Variants in GPAM observed in about 807,000 individuals in gnomAD.
GPAM encodes the protein glycerol-3-phosphate acyltransferase, mitochondrial.
In GPAM, 56 loss-of-function variants were observed where a neutral mutation model predicts 105.0. The observed-to-expected ratio is 0.53, with a 90% CI of 0.43 to 0.67. The LOEUF (loss-of-function observed/expected upper bound fraction) is 0.67, where lower values mean the gene tolerates loss of function less well. Ranked by LOEUF, GPAM falls within the 30% of genes least tolerant of loss-of-function variation. GPAM has a pLI of 0.00. For missense variants in GPAM, 855 were observed against 989.8 expected (o/e 0.86, Z 1.83); for synonymous variants, 368 against 354.4 (o/e 1.04, Z -0.43).
At chr10:112,156,133 G>T in intron 19 of GPAM, 80 bp from the exon 20 acceptor site, 2 of 962,700 alleles carry the variant, frequency 2.1e-6, no homozygotes, top group Non-Finnish European at 3.3e-6. Context: ...ACTTTCTCTG[G>T]AGAGCCAGTA....
upstream of GPAM, chr10:112,215,466 G>A (rs1847958138): frequency 6.6e-6 from 1 of 152,232 alleles, no homozygotes; most frequent in Non-Finnish European, 1.5e-5. Flanking sequence ...GGCTGAGCTT[G>A]GCCAGCCAAT....
upstream of GPAM, among the ~76,000 whole-genome samples, chr10:112,217,744 G>A (rs1003692528): frequency 6.6e-6 from 1 of 152,148 alleles, no homozygotes; most frequent in African/African-American, 2.4e-5. Flanking sequence ...CCCTTTCAAA[G>A]ATGAGGTGCT....
chr10:112,175,857 T>C (rs1847394651), intron 5 of GPAM, 144 bp from the exon 6 acceptor site: 1 of 646,040 alleles, frequency 1.5e-6, no homozygotes, highest in Non-Finnish European at 2.8e-6. Flanking sequence ...AAATTCTCCT[T>C]AGTAGTTCAG....
In GPAM at chr10:112,161,000, G is replaced by A. The variant is rs1419583433; in HGVS notation, c.1495-132C>T. ...CACTGCTAGCACATAGAGAAGTAGG[G>A]CCAGAACACCAATGCAGAGCGAGTC... On this transcript the variant is annotated intron_variant, in intron 15 of 21. Coordinates refer to ENST00000348367, the MANE Select transcript of GPAM (RefSeq NM_001244949.2). 10 of 750,770 alleles carry A rather than the reference G, an allele frequency of 1.3e-5. No homozygotes were observed. In the Admixed American group the frequency reaches 1.8e-4, roughly 14 times the overall value. The allele number at this position is 750,770 out of a possible 1,614,324, so 46.5% of individuals were successfully genotyped here.
At chr10:112,186,152 TTACTG>T (rs1267450292), upstream of GPAM, among the ~76,000 whole-genome samples, 1 of 151,550 alleles carries the variant, frequency 6.6e-6, no homozygotes, top group African/African-American at 2.4e-5. Context: ...AAAAAAGACA[TTACTG>T]TACAGAGGAA....
chr10:112,199,943 C>T (rs1272705514), intron 1 of GPAM, among the ~76,000 whole-genome samples: 1 of 151,828 alleles, frequency 6.6e-6, no homozygotes, highest in Non-Finnish European at 1.5e-5. Flanking sequence ...GGGGACACAG[C>T]CAAACCATAT....
intron 5 of GPAM, among the ~76,000 whole-genome samples, chr10:112,177,250 T>C (rs916574794): frequency 2.6e-5 from 4 of 152,234 alleles, no homozygotes; most frequent in Non-Finnish European, 4.4e-5. Flanking sequence ...AGTAATATCA[T>C]AAGGGCTTCA....
upstream of GPAM, among the ~76,000 whole-genome samples, chr10:112,218,544 T>A (rs913964602): frequency 7.2e-5 from 11 of 152,110 alleles, no homozygotes; most frequent in African/African-American, 2.7e-4. Context: ...AAAAGAGGGT[T>A]CTTGGTGCAA....
rs539304546 is a variant in GPAM at position 112,151,478 on chromosome 10, G to T, written c.*2072C>A. On this transcript the variant is annotated 3_prime_UTR_variant, in exon 22 of 22. Coordinates refer to ENST00000348367, the MANE Select transcript of GPAM (RefSeq NM_001244949.2). ...AGCACCAGTTAATTACAAAAAGCAT[G>T]CATATTTATCCTCACAGTGAGTTAA... The T allele has an allele frequency of 1.0e-6, 1 of 985,720 alleles. No individual in the cohort carries two copies. Among genetic ancestry groups the T allele is most frequent in the African/African-American group, 1.7e-5 (1 of 57,342 alleles). The allele number at this position is 985,720 out of a possible 1,614,324, so 61.1% of individuals were successfully genotyped here.
At chr10:112,224,935 G>A in the GPAM span, among the ~76,000 whole-genome samples, 1 of 152,048 alleles carries the variant, frequency 6.6e-6, no homozygotes, top group African/African-American at 2.4e-5. Context: ...AATAATCCCA[G>A]ACCAGTTAGT....
At chr10:112,224,394 T>C in the GPAM span, among the ~76,000 whole-genome samples, 6 of 152,204 alleles carry the variant, frequency 3.9e-5, no homozygotes, top group African/African-American at 1.4e-4. Context: ...TACAGATAAA[T>C]GTCTGCCTTG....
At chr10:112,157,759 C>T (rs1487092683) in intron 18 of GPAM, among the ~76,000 whole-genome samples, 1 of 152,196 alleles carries the variant, frequency 6.6e-6, no homozygotes, top group Non-Finnish European at 1.5e-5. Flanking sequence ...ATAGGTGTAA[C>T]GTCTCAACTT....
upstream of GPAM, among the ~76,000 whole-genome samples, chr10:112,215,766 C>A (rs1847961058): frequency 6.6e-6 from 1 of 152,044 alleles, no homozygotes; most frequent in Admixed American, 6.6e-5. Flanking sequence ...GGGCTGGGGT[C>A]CCCATGGGGT....
At chr10:112,153,800 T>G (rs936383662) in intron 21 of GPAM, 134 bp from the exon 22 acceptor site, 43 of 862,602 alleles carry the variant, frequency 5.0e-5, no homozygotes, top group Non-Finnish European at 7.2e-5. Context: ...TGGCATTAAG[T>G]AAATGTATGC....
intron 10 of GPAM, 37 bp downstream of exon 10, chr10:112,168,816 C>A (rs550567670): frequency 9.3e-6 from 12 of 1,283,992 alleles, no homozygotes; most frequent in African/African-American, 1.5e-5. Context: ...TGATAACCAA[C>A]ACAATGTCCC....
At chr10:112,223,452 T>C in the GPAM span, among the ~76,000 whole-genome samples, 1 of 152,244 alleles carries the variant, frequency 6.6e-6, no homozygotes, top group African/African-American at 2.4e-5. Context: ...AAATCAACTT[T>C]TCCACATCAA....
intron 1 of GPAM, chr10:112,215,152 C>T (rs193147823): frequency 6.6e-6 from 1 of 152,302 alleles, no homozygotes; most frequent in East Asian, 1.9e-4. Context: ...TCCCTGCACC[C>T]CAGGTTTTTA....
At position 112,173,691 on chromosome 10, in the gene GPAM, T is replaced by G; in HGVS notation, c.560+8A>C. 1 of 1,613,702 alleles carries G rather than the reference T, an allele frequency of 6.2e-7. No homozygotes were observed. Among genetic ancestry groups the G allele is most frequent in the South Asian group, 1.1e-5 (1 of 91,076 alleles). On this transcript the variant is annotated splice_region_variant and intron_variant, in intron 7 of 21. Transcript: ENST00000348367. Reference sequence around the variant, plus strand: ...TGATTGAAAGCTTTCTGCCTTGCCTTTTAATACCTGATCATTGCCGGTGAG... The same window carrying G: ...TGATTGAAAGCTTTCTGCCTTGCCTGTTAATACCTGATCATTGCCGGTGAG...
At chr10:112,173,913 T>C in intron 6 of GPAM, 68 bp from the exon 7 acceptor site, 1 of 1,265,570 alleles carries the variant, frequency 7.9e-7, no homozygotes, top group Non-Finnish European at 1.2e-6. Flanking sequence ...CAGTATTTTC[T>C]AAACTGCAGC....
Sources: gnomAD v4.1 joint callset for allele counts (sites outside exome capture counted in the v4.1 genomes callset) on GRCh38, gnomAD v4.1.1 for gene constraint, MANE v1.5 for transcripts, NCBI Gene and HGNC (gene_info 2026-07-23, HGNC 2026-07-21) for gene names.